GAPDH: variants seen among roughly 807,000 people sequenced by gnomAD.
GAPDH encodes glyceraldehyde-3-phosphate dehydrogenase.
A neutral mutation model predicts 31.2 loss-of-function variants in GAPDH; 13 were observed. That is an observed-to-expected ratio of 0.42 (90% CI 0.27 to 0.66). The LOEUF is 0.66. Among genes scored for constraint, GAPDH ranks in the 30% least tolerant of loss-of-function variants. The pLI, the probability that GAPDH is intolerant of heterozygous loss-of-function variation, is 0.26. For synonymous variants in GAPDH, 211 were observed against 166.9 expected (o/e 1.26, Z -2.04); for missense variants, 300 against 443.7 (o/e 0.68, Z 2.91).
At position 6,537,953 on chromosome 12, in the gene GAPDH, G is replaced by A; in HGVS notation, c.895G>A (p.Ala299Thr). The A allele has an allele frequency of 3.7e-6, 6 of 1,614,044 alleles. No homozygotes were observed. The highest frequency in any genetic ancestry group is 4.2e-6 in the Non-Finnish European group (5 of 1,179,970). Reference protein sequence around the residue: ...DTHSSTFDAGAGIALNDHFVK... With the variant: ...DTHSSTFDAGTGIALNDHFVK... ...CCACTCCTCCACCTTTGACGCTGGG[G>A]CTGGCATTGCCCTCAACGACCACTT... The change falls in exon 8 of 9, where the codon GCT becomes ACT. Residue 299 changes from alanine (A) to threonine (T), a missense_variant. By Grantham distance (58) the Ala-to-Thr change is moderately conservative. Coordinates refer to ENST00000229239, the MANE Select transcript of GAPDH (RefSeq NM_002046.7). This position sits in a 1 kb window ranked among gnomAD's most constrained non-coding sequence, Gnocchi z 4.9.
At chr12:6,534,758 G>A in intron 1 of GAPDH, 52 bp from the exon 2 acceptor site, 1 of 1,486,100 alleles carries the variant, frequency 6.7e-7, no homozygotes, top group East Asian at 2.3e-5. Context: ...GAGGGGAGGC[G>A]TGTGTGTCGG....
In GAPDH at chr12:6,536,929, C is replaced by A. The variant is rs11266264; in HGVS notation, c.246C>A (p.Pro82=). 5.6e-6 allele frequency: 9 copies of A among 1,613,828 alleles called. No individual in the cohort carries two copies. In the South Asian group the frequency reaches 9.9e-5, roughly 18 times the overall value. The change falls in exon 5 of 9, where the codon CCC becomes CCA. Residue 82 remains proline (P), a synonymous_variant. Coordinates refer to ENST00000229239, the MANE Select transcript of GAPDH (RefSeq NM_002046.7). The stretch of plus-strand genomic sequence containing the variant: ...CCCCCCACCCCCATAGGCGAGATCC[C>A]TCCAAAATCAAGTGGGGCGATGCTG... ...NPITIFQERD[P]SKIKWGDAGA...
rs915103365 is a variant in GAPDH at position 6,537,770 on chromosome 12, G to A, written c.712G>A (p.Ala238Thr). 11 of 1,611,600 alleles carry A rather than the reference G, an allele frequency of 6.8e-6. No homozygotes were observed. The African/African-American group carries it at 1.3e-4, about 20-fold the overall frequency. Reference protein sequence around the residue: ...LTGMAFRVPTANVSVVDLTCR... With the variant: ...LTGMAFRVPTTNVSVVDLTCR... ...TGGCATGGCCTTCCGTGTCCCCACT[G>A]CCAACGTGTCAGTGGTGGACCTGAC... The change falls in exon 8 of 9, where the codon GCC (alanine) becomes ACC (threonine). Residue 238 changes from alanine (A) to threonine (T), a missense_variant. Physicochemically the swap from Ala to Thr is moderately conservative, Grantham distance 58. Transcript: ENST00000229239. This position sits in a 1 kb window ranked among gnomAD's most constrained non-coding sequence, Gnocchi z 4.9.
rs1349820244 is a variant in GAPDH at position 6,537,454 on chromosome 12, G to GC, written c.525+66dup. 1.3e-5 allele frequency: 20 copies of GC among 1,582,968 alleles called. No individual in the cohort carries two copies. Among genetic ancestry groups the GC allele is most frequent in the Non-Finnish European group, 1.7e-5 (20 of 1,154,584 alleles). On this transcript the variant is annotated intron_variant, in intron 7 of 8. Coordinates refer to ENST00000229239, the MANE Select transcript of GAPDH (RefSeq NM_002046.7). The surrounding 1 kb of genome is among the most constrained non-coding windows in gnomAD (Gnocchi z 4.9). ...TCTCATCCAAGACTGGCTCCTCCCT[G>GC]CCGGGGCTGCGTGCAACCCTGGGGT...
Position 6,537,189 on chromosome 12 carries a change from A to G in GAPDH, c.416A>G (p.Lys139Arg). Residue 139 changes from lysine to arginine, a missense_variant, in exon 6 of 9, where the codon AAG becomes AGG. By Grantham distance (26) the Lys-to-Arg change is conservative (BLOSUM62 2). Transcript: ENST00000229239. This position sits in a 1 kb window ranked among gnomAD's most constrained non-coding sequence, Gnocchi z 4.9. ...TTCGTCATGGGTGTGAACCATGAGA[A>G]GTATGACAACAGCCTCAAGATCATC... ...PMFVMGVNHEKYDNSLKIISN... is the reference protein window; with the variant it reads ...PMFVMGVNHERYDNSLKIISN... 6.2e-7 allele frequency: 1 copy of G among 1,613,146 alleles called. No homozygotes were observed. The highest frequency in any genetic ancestry group is 1.1e-5 in the South Asian group (1 of 91,086).
Position 6,536,782 on chromosome 12 carries a change from C to T in GAPDH, c.228C>T (p.Ile76=), listed in dbSNP as rs760719504. 1.2e-6 allele frequency: 2 copies of T among 1,613,406 alleles called. No individual in the cohort carries two copies. Among genetic ancestry groups the T allele is most frequent in the Non-Finnish European group, 1.7e-6 (2 of 1,179,318 alleles). The change falls in exon 4 of 9, where the codon ATC becomes ATT. Residue 76 remains isoleucine, a synonymous_variant. Coordinates refer to ENST00000229239, the MANE Select transcript of GAPDH (RefSeq NM_002046.7). ...KLVINGNPIT[I]FQERDPSKIK... ...TCATCAATGGAAATCCCATCACCAT[C>T]TTCCAGGAGTGAGTGGAAGACAGAA...
chr12:6,538,005 C>T lies in GAPDH; in HGVS notation c.938+9C>T, dbSNP rs369971529. On this transcript the variant is annotated intron_variant, in intron 8 of 8. Transcript: ENST00000229239. ...GTCAAGCTCATTTCCTGGTATGTGG[C>T]TGGGGCCAGAGACTGGCTCTTAAAA... 36 of 1,593,254 alleles carry T rather than the reference C, an allele frequency of 2.3e-5. No individual in the cohort carries two copies. The African/African-American group carries it at 4.0e-4, about 18-fold the overall frequency.
At chr12:6,535,745 G>T (rs1237784359) in intron 2 of GAPDH, among the ~76,000 whole-genome samples, 1 of 152,186 alleles carries the variant, frequency 6.6e-6, no homozygotes. Flanking sequence ...GCGCCTCGGG[G>T]AACCTGCCCT....
rs11549348 is a variant in GAPDH at position 6,537,654 on chromosome 12, G to C, written c.596G>C (p.Gly199Ala). ...CCCTCCGGGAAACTGTGGCGTGATG[G>C]CCGCGGGGCTCTCCAGAACATCATC... ...DGPSGKLWRD[G>A]RGALQNIIPA... Residue 199 changes from glycine to alanine, a missense_variant, in exon 8 of 9, where the codon GGC (glycine) becomes GCC (alanine). By Grantham distance (60) the Gly-to-Ala change is moderately conservative. Transcript: ENST00000229239. The surrounding 1 kb of genome is among the most constrained non-coding windows in gnomAD (Gnocchi z 4.9). 6.2e-7 allele frequency: 1 copy of C among 1,611,528 alleles called. No individual in the cohort carries two copies.
rs775182146 is a variant in GAPDH at position 6,537,244 on chromosome 12, C to T, written c.443+28C>T. The T allele has an allele frequency of 1.2e-5, 19 of 1,596,022 alleles. No homozygotes were observed. The highest frequency in any genetic ancestry group is 4.0e-5 in the African/African-American group (3 of 74,728). ...GAGGAAGGCAGGGCCCGTGGAGAAG[C>T]GGCCAGCCTGGCACCCTATGGACAC... is the stretch of plus-strand genomic sequence containing the variant. On this transcript the variant is annotated intron_variant, in intron 6 of 8. Transcript: ENST00000229239. The surrounding 1 kb of genome is among the most constrained non-coding windows in gnomAD (Gnocchi z 4.9).
Position 6,537,810 on chromosome 12 carries a change from A to T in GAPDH, c.752A>T (p.Lys251Ile). ...SVVDLTCRLE[K>I]PAKYDDIKKV... is the part of the protein sequence containing the mutation. Reference sequence around the variant, plus strand: ...GTGGACCTGACCTGCCGTCTAGAAAAACCTGCCAAATATGATGACATCAAG... The same window carrying T: ...GTGGACCTGACCTGCCGTCTAGAAATACCTGCCAAATATGATGACATCAAG... Residue 251 changes from lysine (K) to isoleucine (I), a missense_variant, in exon 8 of 9, where the codon AAA becomes ATA. Lys to Ile is a moderately radical substitution (Grantham distance 102). Coordinates refer to ENST00000229239, the MANE Select transcript of GAPDH (RefSeq NM_002046.7). The surrounding 1 kb of genome is among the most constrained non-coding windows in gnomAD (Gnocchi z 4.9). 6.2e-7 allele frequency: 1 copy of T among 1,611,838 alleles called. No individual in the cohort carries two copies. The highest frequency in any genetic ancestry group is 8.5e-7 in the Non-Finnish European group (1 of 1,179,842).
intron 3 of GAPDH, 39 bp from the exon 4 acceptor site, chr12:6,536,645 T>C: frequency 6.2e-7 from 1 of 1,605,612 alleles, no homozygotes; most frequent in Non-Finnish European, 8.5e-7. Context: ...GCCACCTGGC[T>C]GATGGGCAGC....
intron 2 of GAPDH, chr12:6,535,100 CAGG>C (rs1272508499): frequency 2.6e-6 from 2 of 766,722 alleles, no homozygotes; most frequent in African/African-American, 1.9e-5. Context: ...TCCCCAGAAA[CAGG>C]AGGTCCCTAC....
At chr12:6,535,635 GC>G (rs1215022174) in intron 2 of GAPDH, among the ~76,000 whole-genome samples, 1 of 151,986 alleles carries the variant, frequency 6.6e-6, no homozygotes, top group African/African-American at 2.4e-5. Context: ...TTCCTGCAGC[GC>G]CGGCTCACCT....
At position 6,537,959 on chromosome 12, in the gene GAPDH, A is replaced by G; in HGVS notation, c.901A>G (p.Ile301Val). Residue 301 changes from isoleucine to valine, a missense_variant, in exon 8 of 9, where the codon ATT becomes GTT. Coordinates refer to ENST00000229239, the MANE Select transcript of GAPDH (RefSeq NM_002046.7). This position sits in a 1 kb window ranked among gnomAD's most constrained non-coding sequence, Gnocchi z 4.9. ...HSSTFDAGAG[I>V]ALNDHFVKLI... The stretch of plus-strand genomic sequence containing the variant: ...CTCCACCTTTGACGCTGGGGCTGGC[A>G]TTGCCCTCAACGACCACTTTGTCAA... 3 of 1,613,956 alleles carry G rather than the reference A, an allele frequency of 1.9e-6. No individual in the cohort carries two copies. Among genetic ancestry groups the G allele is most frequent in the Non-Finnish European group, 2.5e-6 (3 of 1,179,898 alleles).
In GAPDH at chr12:6,536,902, TCC is replaced by T; in HGVS notation, c.237-12_237-11del. On this transcript the variant is annotated splice_polypyrimidine_tract_variant and intron_variant, in intron 4 of 8. Coordinates refer to ENST00000229239, the MANE Select transcript of GAPDH (RefSeq NM_002046.7). ...CCCTCAATATGGTCCTGTCCCCATC[TCC>T]CCCCCACCCCCATAGGCGAGATCCC... 1.3e-6 allele frequency: 2 copies of T among 1,506,626 alleles called. No individual in the cohort carries two copies. The highest frequency in any genetic ancestry group is 1.8e-6 in the Non-Finnish European group (2 of 1,082,952). 93.3% of individuals were successfully genotyped at this position (1,506,626 alleles called of 1,614,324 possible). A position where few individuals can be genotyped will look rare whatever the true frequency, so the allele number is the denominator to read the frequency against.
At chr12:6,534,938 G>A in intron 2 of GAPDH, 77 bp downstream of exon 2, 1 of 1,496,872 alleles carries the variant, frequency 6.7e-7, no homozygotes, top group Non-Finnish European at 9.2e-7. Flanking sequence ...CGGGCTCCGG[G>A]TCTTTGCAGT....
Position 6,538,161 on chromosome 12 carries a change from C to G in GAPDH, c.999C>G (p.Ser333=). 6.2e-7 allele frequency: 1 copy of G among 1,609,592 alleles called. No individual in the cohort carries two copies. The highest frequency in any genetic ancestry group is 2.2e-5 in the East Asian group (1 of 44,878). Reference sequence around the variant, plus strand: ...TGGACCTCATGGCCCACATGGCCTCCAAGGAGTAAGACCCCTGGACCACCA... The same window carrying G: ...TGGACCTCATGGCCCACATGGCCTCGAAGGAGTAAGACCCCTGGACCACCA... ...RVVDLMAHMA[S]KE Residue 333 remains serine (S), a synonymous_variant, in exon 9 of 9, where the codon TCC becomes TCG. Transcript: ENST00000229239.
Position 6,536,122 on chromosome 12 carries a change from G to C in GAPDH, c.30-372G>C, listed in dbSNP as rs547793806. Among the ~76,000 whole-genome samples the C allele has an allele frequency of 3.9e-5, 6 of 152,328 alleles. No homozygotes were observed. In the South Asian group the frequency reaches 6.2e-4, roughly 16 times the overall value. ...GTTTGATGATGCTGAGTGTACAAGCGTTTTCTCCCTAAAGGGTGCAGCTGA... is the reference window on the plus strand; with the variant it reads ...GTTTGATGATGCTGAGTGTACAAGCCTTTTCTCCCTAAAGGGTGCAGCTGA... On this transcript the variant is annotated intron_variant, in intron 2 of 8. Coordinates refer to ENST00000229239, the MANE Select transcript of GAPDH (RefSeq NM_002046.7).
Sources: allele counts gnomAD v4.1 joint callset (sites outside exome capture counted in the v4.1 genomes callset), GRCh38; gene constraint gnomAD v4.1.1; non-coding constraint Gnocchi (gnomAD v3.1); transcripts MANE v1.5; gene names NCBI Gene and HGNC (gene_info 2026-07-23, HGNC 2026-07-21).